EIPR1: variants seen among roughly 807,000 people sequenced by gnomAD.
The protein encoded by EIPR1 is EARP and GARP complex-interacting protein 1.
In EIPR1, 25 loss-of-function variants were observed where a neutral mutation model predicts 48.1. That is an observed-to-expected ratio of 0.52 (90% CI 0.38 to 0.73). The LOEUF (loss-of-function observed/expected upper bound fraction) is 0.73, where lower values mean the gene tolerates loss of function less well. EIPR1 is among the 30% of genes least tolerant of loss of function. The probability of loss-of-function intolerance (pLI) is 0.00; values close to 1 mark genes in which losing one functional copy is unlikely to be tolerated. For missense variants in EIPR1, 415 were observed against 506.2 expected (o/e 0.82, Z 1.73); for synonymous variants, 204 against 201.9 (o/e 1.01, Z -0.09).
intron 3 of EIPR1, among the ~76,000 whole-genome samples, chr2:3,321,432 T>C (rs374554288): frequency 6.6e-6 from 1 of 152,204 alleles, no homozygotes; most frequent in Non-Finnish European, 1.5e-5. Flanking sequence ...CACTTGACGA[T>C]GAGGCTGATG....
At chr2:3,216,513 AG>A (rs1665643518) in intron 4 of EIPR1, among the ~76,000 whole-genome samples, 1 of 24,184 alleles carries the variant, frequency 4.1e-5, no homozygotes. Flanking sequence ...CACACATCAC[AG>A]GATGAGAACT....
intron 5 of EIPR1, among the ~76,000 whole-genome samples, chr2:3,202,127 C>T (rs191499220): frequency 1.1e-4 from 17 of 151,960 alleles, no homozygotes; most frequent in Admixed American, 5.9e-4. Flanking sequence ...TTAGTAGAGA[C>T]GGGGTTTCAC....
At chr2:3,313,696 A>G (rs1401423868) in intron 3 of EIPR1, among the ~76,000 whole-genome samples, 1 of 152,160 alleles carries the variant, frequency 6.6e-6, no homozygotes, top group Non-Finnish European at 1.5e-5. Context: ...CCTGGGCTTT[A>G]TCGCCCTAGC....
rs1254984775 is a variant in EIPR1, at chr2:3,189,469, G to A, written c.1029C>T (p.Tyr343=). ...CATAGACGCTGTCCTCGTGCTCCTCGTAGGTGGCGATCACGTTGTCCTGCA... is the reference window on the plus strand; with the variant it reads ...CATAGACGCTGTCCTCGTGCTCCTCATAGGTGGCGATCACGTTGTCCTGCA... ...EPLQDNVIAT[Y]EEHEDSVYAV... Residue 343 remains tyrosine (Y), a synonymous_variant, in exon 9 of 9, where the codon TAC becomes TAT. Transcript: ENST00000382125. The surrounding 1 kb of genome is among the most constrained non-coding windows in gnomAD (Gnocchi z 4.6). 1.3e-6 allele frequency: 2 copies of A among 1,573,806 alleles called. No individual in the cohort carries two copies. The highest frequency in any genetic ancestry group is 1.7e-6 in the Non-Finnish European group (2 of 1,154,842).
intron 5 of EIPR1, among the ~76,000 whole-genome samples, chr2:3,206,962 G>A (rs1029278454): frequency 6.6e-6 from 1 of 152,156 alleles, no homozygotes; most frequent in Non-Finnish European, 1.5e-5. Context: ...ATCATTCGCT[G>A]GCTTTGGGGA....
At chr2:3,314,688 C>A (rs971044398) in intron 3 of EIPR1, among the ~76,000 whole-genome samples, 2 of 151,922 alleles carry the variant, frequency 1.3e-5, no homozygotes, top group Non-Finnish European at 2.9e-5. Context: ...CTGAAGGACA[C>A]ACCTGATCCT....
chr2:3,331,182 C>T (rs1240436076), intron 3 of EIPR1, among the ~76,000 whole-genome samples: 1 of 85,834 alleles, frequency 1.2e-5, no homozygotes, highest in Admixed American at 1.0e-4. Flanking sequence ...GGCAGGTGTA[C>T]ACTCATATGG....
intron 4 of EIPR1, among the ~76,000 whole-genome samples, chr2:3,226,580 T>C (rs556894182): frequency 2.0e-5 from 3 of 152,384 alleles, no homozygotes; most frequent in African/African-American, 7.2e-5. Flanking sequence ...ATTTTGCCGA[T>C]GTTTCTTTTG....
At chr2:3,194,394 A>T in intron 6 of EIPR1, 1 of 417,904 alleles carries the variant, frequency 2.4e-6, no homozygotes, top group Non-Finnish European at 4.3e-6. Context: ...CGTATCTGTG[A>T]CCCTCTGGGC....
intron 1 of EIPR1, among the ~76,000 whole-genome samples, chr2:3,374,105 C>A (rs533117478): frequency 0.2 from 28,564 of 146,084 alleles, 3,654 homozygotes; most frequent in Non-Finnish European, 0.29. Flanking sequence ...CTTTGACAAA[C>A]CTGACAAAAA....
chr2:3,323,527 G>C (rs779617184), intron 3 of EIPR1, among the ~76,000 whole-genome samples: 1 of 152,188 alleles, frequency 6.6e-6, no homozygotes, highest in East Asian at 1.9e-4. Context: ...TTGTGGCCTC[G>C]GGGCACAGGT....
intron 3 of EIPR1, among the ~76,000 whole-genome samples, chr2:3,283,511 C>T (rs1193168148): frequency 2.0e-5 from 3 of 150,934 alleles, no homozygotes; most frequent in Admixed American, 1.3e-4. Context: ...AAGGAGCTCA[C>T]GCCCAGAAGT....
rs145494488 is a variant in EIPR1, at chr2:3,197,085, C to T, written c.517-68G>A. 1,204 of 1,561,384 alleles carry T rather than the reference C, an allele frequency of 7.7e-4. 15 individuals are homozygous for T. The East Asian group carries it at 0.023, about 30-fold the overall frequency. On this transcript the variant is annotated intron_variant, in intron 5 of 8. Coordinates refer to ENST00000382125, the MANE Select transcript of EIPR1 (RefSeq NM_003310.5). ...AAGAATGTGAAGTCTGTTCAGAAAA[C>T]GCGAGAGGATATCGTATACTCAAGG...
intron 4 of EIPR1, among the ~76,000 whole-genome samples, chr2:3,221,055 CGGG>C (rs1234454934): frequency 4.5e-3 from 87 of 19,526 alleles, no homozygotes; most frequent in East Asian, 0.019. Flanking sequence ...CACAGTGAGT[CGGG>C]AACACACGCA....
intron 4 of EIPR1, among the ~76,000 whole-genome samples, chr2:3,237,405 G>A (rs1666443313): frequency 6.6e-6 from 1 of 152,164 alleles, no homozygotes; most frequent in African/African-American, 2.4e-5. Flanking sequence ...CACATTCACA[G>A]AACCTTTAGT....
chr2:3,325,705 C>CT (rs34408670), intron 3 of EIPR1, among the ~76,000 whole-genome samples: 1 of 152,198 alleles, frequency 6.6e-6, no homozygotes, highest in Non-Finnish European at 1.5e-5. Flanking sequence ...AGGGACCCTC[C>CT]ACAAGCCTCA....
At chr2:3,294,736 A>C in intron 3 of EIPR1, among the ~76,000 whole-genome samples, 1 of 98,148 alleles carries the variant, frequency 1.0e-5, no homozygotes, top group East Asian at 3.6e-4. Context: ...CCATCCAGCC[A>C]TCCTCTCTCT....
chr2:3,283,922 G>T (rs1432901098), intron 3 of EIPR1, among the ~76,000 whole-genome samples: 2 of 148,930 alleles, frequency 1.3e-5, no homozygotes. Flanking sequence ...CTCCAGCCTG[G>T]GTGACAAAGC....
intron 4 of EIPR1, among the ~76,000 whole-genome samples, chr2:3,227,879 C>A (rs1666116033): frequency 6.6e-6 from 1 of 152,206 alleles, no homozygotes; most frequent in Non-Finnish European, 1.5e-5. Flanking sequence ...GGTACCGAGC[C>A]CGTGGGTGAA....
Sources: gnomAD v4.1 joint callset for allele counts (sites outside exome capture counted in the v4.1 genomes callset) on GRCh38, gnomAD v4.1.1 for gene constraint, Gnocchi (gnomAD v3.1) non-coding constraint, MANE v1.5 for transcripts, NCBI Gene and HGNC (gene_info 2026-07-23, HGNC 2026-07-21) for gene names.